Variants in SUFU observed in about 807,000 individuals in gnomAD.
SUFU encodes the protein suppressor of fused homolog.
A neutral mutation model predicts 58.9 loss-of-function variants in SUFU; 7 were observed. That is an observed-to-expected ratio of 0.12 (90% CI 0.07 to 0.22). The LOEUF (loss-of-function observed/expected upper bound fraction) is 0.22, where lower values mean the gene tolerates loss of function less well. Among genes scored for constraint, SUFU ranks in the 10% least tolerant of loss-of-function variants. The probability of loss-of-function intolerance (pLI) is 1.00; values close to 1 mark genes in which losing one functional copy is unlikely to be tolerated. For missense variants in SUFU, 451 were observed against 641.3 expected (o/e 0.70, Z 3.20); for synonymous variants, 232 against 254.8 (o/e 0.91, Z 0.85).
chr10:102,630,231 A>G lies in SUFU; in HGVS notation c.*76A>G, dbSNP rs1055003812. The stretch of plus-strand genomic sequence containing the variant: ...GACTTCCAGTGTAACAGTTGTGTCA[A>G]CGAGATCTCCACAAATAAAAGGACA... On this transcript the variant is annotated 3_prime_UTR_variant, in exon 12 of 12. Transcript: ENST00000369902. 22 of 1,204,778 alleles carry G rather than the reference A, an allele frequency of 1.8e-5. No individual in the cohort carries two copies. Among genetic ancestry groups the G allele is most frequent in the Middle Eastern group, 4.9e-4 (2 of 4,116 alleles). 74.6% of individuals were successfully genotyped at this position (1,204,778 alleles called of 1,614,324 possible). A position where few individuals can be genotyped will look rare whatever the true frequency, so the allele number is the denominator to read the frequency against.
rs780125056 is a variant in SUFU at position 102,625,070 on chromosome 10, CA to C, written c.1297-2100del. ...AGATGGCAACGAGCCCCGGAAATGCCAAAAATATGAATGTAACTTTTGTATT... is the reference window on the plus strand; with the variant it reads ...AGATGGCAACGAGCCCCGGAAATGCCAAAATATGAATGTAACTTTTGTATT... On this transcript the variant is annotated intron_variant, in intron 10 of 11. Coordinates refer to ENST00000369902, the MANE Select transcript of SUFU (RefSeq NM_016169.4). The surrounding 1 kb of genome is among the most constrained non-coding windows in gnomAD (Gnocchi z 4.7). Among the ~76,000 whole-genome samples the C allele has an allele frequency of 9.9e-5, 15 of 152,116 alleles. No homozygotes were observed. The highest frequency in any genetic ancestry group is 1.9e-4 in the Non-Finnish European group (13 of 68,030).
Position 102,509,156 on chromosome 10 carries a change from T to C in SUFU, c.183-13T>C. 1 of 1,613,956 alleles carries C rather than the reference T, an allele frequency of 6.2e-7. No homozygotes were observed. Among genetic ancestry groups the C allele is most frequent in the African/African-American group, 1.3e-5 (1 of 75,042 alleles). On this transcript the variant is annotated splice_polypyrimidine_tract_variant and intron_variant, in intron 1 of 11. Coordinates refer to ENST00000369902, the MANE Select transcript of SUFU (RefSeq NM_016169.4). ...AGGCTTACACTAACACCCCTGTGTT[T>C]TGTTTTTTGCAGGTTGGGTGGCCCA...
chr10:102,537,659 G>T (rs1482643978), intron 2 of SUFU, among the ~76,000 whole-genome samples: 2 of 152,078 alleles, frequency 1.3e-5, no homozygotes, highest in Admixed American at 1.3e-4. Flanking sequence ...TATGACATTT[G>T]TCCCTTTGTG....
In SUFU at chr10:102,619,486, C is replaced by T. The variant is rs1177289876; in HGVS notation, c.1296+2058C>T. The T allele has an allele frequency of 1.0e-5, 12 of 1,192,100 alleles. No individual in the cohort carries two copies. The African/African-American group carries it at 1.4e-4, about 14-fold the overall frequency. The allele number at this position is 1,192,100 out of a possible 1,614,324, so 73.8% of individuals were successfully genotyped here. ...CAATCAAAGGCCTGTGTTATGGGCT[C>T]ATTAGTGTGGTCCACCACGGGGCCG... On this transcript the variant is annotated intron_variant, in intron 10 of 11. Coordinates refer to ENST00000369902, the MANE Select transcript of SUFU (RefSeq NM_016169.4). The surrounding 1 kb of genome is among the most constrained non-coding windows in gnomAD (Gnocchi z 4.2).
chr10:102,577,638 C>T (rs1411881047), intron 3 of SUFU, among the ~76,000 whole-genome samples: 1 of 152,014 alleles, frequency 6.6e-6, no homozygotes, highest in African/African-American at 2.4e-5. Flanking sequence ...TGCACCCAGC[C>T]CTCCTGGCAT....
intron 3 of SUFU, among the ~76,000 whole-genome samples, chr10:102,585,611 A>G (rs888067038): frequency 4.6e-5 from 7 of 152,014 alleles, no homozygotes; most frequent in African/African-American, 1.4e-4. Context: ...GGCTCAAACA[A>G]TCCTCCCACT....
At chr10:102,539,992 C>T (rs2062781131) in intron 2 of SUFU, among the ~76,000 whole-genome samples, 1 of 152,114 alleles carries the variant, frequency 6.6e-6, no homozygotes, top group Admixed American at 6.6e-5. Context: ...ATTTAATGCT[C>T]AGATTGTTGT....
intron 3 of SUFU, among the ~76,000 whole-genome samples, chr10:102,584,219 TTCCCAAC>T (rs1248299973): frequency 6.6e-6 from 1 of 152,234 alleles, no homozygotes; most frequent in Admixed American, 6.5e-5. Context: ...AAACAGGGCC[TTCCCAAC>T]TCCGAAGTTC....
intron 8 of SUFU, among the ~76,000 whole-genome samples, chr10:102,612,172 TGTG>T (rs2063632183): frequency 5.5e-5 from 1 of 18,268 alleles, no homozygotes; most frequent in African/African-American, 3.8e-4. Context: ...TGGGTTCTTG[TGTG>T]TGTGTGTGTG....
chr10:102,582,066 G>C (rs535663510), intron 3 of SUFU, among the ~76,000 whole-genome samples: 1 of 152,154 alleles, frequency 6.6e-6, no homozygotes, highest in Non-Finnish European at 1.5e-5. Context: ...TCCCTGGAAA[G>C]CACGGAATAA....
chr10:102,564,818 T>G (rs2063071749), intron 3 of SUFU, among the ~76,000 whole-genome samples: 1 of 152,216 alleles, frequency 6.6e-6, no homozygotes, highest in South Asian at 2.1e-4. Flanking sequence ...CTGTGAAATA[T>G]TTTCACTTTT....
At chr10:102,579,378 G>C (rs559118962) in intron 3 of SUFU, among the ~76,000 whole-genome samples, 2 of 152,348 alleles carry the variant, frequency 1.3e-5, no homozygotes, top group East Asian at 3.9e-4. Context: ...CACTCGCTTT[G>C]GGGTGAGAAC....
intron 3 of SUFU, among the ~76,000 whole-genome samples, chr10:102,580,323 C>A (rs565507527): frequency 1.3e-5 from 2 of 152,172 alleles, no homozygotes; most frequent in Non-Finnish European, 2.9e-5. Context: ...GGGAATTACG[C>A]AGGATGTGTT....
At chr10:102,568,943 T>C (rs7074680) in intron 3 of SUFU, among the ~76,000 whole-genome samples, 1,259 of 78,872 alleles carry the variant, frequency 0.016, 85 homozygotes, top group African/African-American at 0.033. Flanking sequence ...TATATATATA[T>C]ATATATATAT....
upstream of SUFU, chr10:102,503,862 A>G: frequency 2.5e-6 from 1 of 395,644 alleles, no homozygotes. Flanking sequence ...TTGTCAAGTC[A>G]CACCTTCCCT....
At chr10:102,514,709 T>C (rs10748824) in intron 2 of SUFU, among the ~76,000 whole-genome samples, 53,290 of 152,040 alleles carry the variant, frequency 0.35, 9,480 homozygotes, top group African/African-American at 0.39. Flanking sequence ...CATGGCCAGC[T>C]AGCTGTGGAC....
At chr10:102,519,725 T>G (rs1004416287) in intron 2 of SUFU, among the ~76,000 whole-genome samples, 1 of 152,138 alleles carries the variant, frequency 6.6e-6, no homozygotes, top group African/African-American at 2.4e-5. Context: ...TCATTTAAAA[T>G]TTTTTAAATT....
In SUFU at chr10:102,615,477, C is replaced by T. The variant is rs137942998; in HGVS notation, c.1157+75C>T. ...GCCTCCAGGGGGCACTTCAGAGCCTCCCCAGCCCCCTCCCCCAGCAGGCGT... is the reference window on the plus strand; with the variant it reads ...GCCTCCAGGGGGCACTTCAGAGCCTTCCCAGCCCCCTCCCCCAGCAGGCGT... On this transcript the variant is annotated intron_variant, in intron 9 of 11. Transcript: ENST00000369902. 5.7e-4 allele frequency: 921 copies of T among 1,606,246 alleles called. 4 individuals are homozygous for T. The African/African-American group carries it at 0.01, about 18-fold the overall frequency.
intron 3 of SUFU, among the ~76,000 whole-genome samples, chr10:102,585,631 C>A (rs1037818042): frequency 6.6e-6 from 1 of 152,068 alleles, no homozygotes; most frequent in African/African-American, 2.4e-5. Context: ...TTCAACCTCC[C>A]GAGTACCTGG....
Sources: allele counts gnomAD v4.1 joint callset (sites outside exome capture counted in the v4.1 genomes callset), GRCh38; gene constraint gnomAD v4.1.1; non-coding constraint Gnocchi (gnomAD v3.1); transcripts MANE v1.5; gene names NCBI Gene and HGNC (gene_info 2026-07-23, HGNC 2026-07-21).